LLGL1: variants seen among roughly 807,000 people sequenced by gnomAD.
LLGL1 encodes the protein lethal(2) giant larvae protein homolog 1.
In LLGL1, 58 loss-of-function variants were observed where a neutral mutation model predicts 110.6. The ratio of observed to expected loss-of-function variants is 0.52; its 90% CI spans 0.42 to 0.65. The LOEUF (loss-of-function observed/expected upper bound fraction) is 0.65, where lower values mean the gene tolerates loss of function less well. Among genes scored for constraint, LLGL1 ranks in the 30% least tolerant of loss-of-function variants. LLGL1 has a pLI of 0.00. For missense variants in LLGL1, 1,229 were observed against 1,462.1 expected, an observed-to-expected ratio of 0.84 and a Z score of 2.60; for synonymous variants, 674 against 607.2, an observed-to-expected ratio of 1.11 and a Z score of -1.62.
rs1013683449 is a variant in LLGL1, at chr17:18,236,461, G to T, written c.1353-146G>T. ...TGTACCTGTGCTGTCTACAGTAGGT[G>T]CCTATTGTTTTTTGTAAAAGTAGGA... is the stretch of plus-strand genomic sequence containing the variant. On this transcript the variant is annotated intron_variant, in intron 11 of 22. Transcript: ENST00000316843. 1.8e-5 allele frequency: 13 copies of T among 737,468 alleles called. No homozygotes were observed. In the African/African-American group the frequency reaches 1.9e-4, roughly 11 times the overall value. The allele number at this position is 737,468 out of a possible 1,614,324, so 45.7% of individuals were successfully genotyped here.
intron 16 of LLGL1, 138 bp downstream of exon 16, chr17:18,238,747 CTG>C (rs1490770413): frequency 1.2e-6 from 1 of 854,344 alleles, no homozygotes; most frequent in African/African-American, 1.7e-5. Flanking sequence ...TGGCTCAAGC[CTG>C]TGAGTGATCC....
intron 1 of LLGL1, 132 bp downstream of exon 1, chr17:18,225,895 C>T (rs1597853334): frequency 4.5e-6 from 1 of 224,692 alleles, no homozygotes; most frequent in Non-Finnish European, 7.3e-6. Flanking sequence ...GGGGCGGGGC[C>T]GGGCCGGGCC....
rs1222875837 is a variant in LLGL1 at position 18,240,889 on chromosome 17, C to A, written c.2502+16C>A. ...GCAGTTCAAGGTGAGCCACTGTGGG[C>A]TGTGGGGGACTCTGGGGGACTCCCC... On this transcript the variant is annotated intron_variant, in intron 17 of 22. Coordinates refer to ENST00000316843, the MANE Select transcript of LLGL1 (RefSeq NM_004140.4). The surrounding 1 kb of genome is among the most constrained non-coding windows in gnomAD (Gnocchi z 5.3). The A allele has an allele frequency of 2.0e-6, 3 of 1,500,292 alleles. No individual in the cohort carries two copies. The highest frequency in any genetic ancestry group is 2.7e-6 in the Non-Finnish European group (3 of 1,115,136). 92.9% of individuals were successfully genotyped at this position (1,500,292 alleles called of 1,614,324 possible).
chr17:18,242,023 C>T lies in LLGL1; in HGVS notation c.2882+24C>T, dbSNP rs1044182919. ...AGGTGTGTGGAGGGGCAGCTCCTAGCCTGGGGGACCTGTGCCCAGGGCCAG... is the reference window on the plus strand; with the variant it reads ...AGGTGTGTGGAGGGGCAGCTCCTAGTCTGGGGGACCTGTGCCCAGGGCCAG... On this transcript the variant is annotated intron_variant, in intron 19 of 22. Transcript: ENST00000316843. 1.3e-5 allele frequency: 20 copies of T among 1,590,614 alleles called. No individual in the cohort carries two copies. In the African/African-American group the frequency reaches 2.6e-4, roughly 20 times the overall value.
chr17:18,238,044 G>T, intron 14 of LLGL1, 23 bp from the exon 15 acceptor site: 1 of 1,612,346 alleles, frequency 6.2e-7, no homozygotes, highest in South Asian at 1.1e-5. Flanking sequence ...TCTATAGCAC[G>T]ACTGGACCCT....
Position 18,225,645 on chromosome 17 carries a change from C to A in LLGL1, c.-38C>A. On this transcript the variant is annotated 5_prime_UTR_variant, in exon 1 of 23. Transcript: ENST00000316843. ...GGGGCCGCGCGGCGCATCCTGCGGG[C>A]GGCGGCGGCGGGCGAGGCGCCTGCA... 1 of 875,032 alleles carries A rather than the reference C, an allele frequency of 1.1e-6. No individual in the cohort carries two copies. Among genetic ancestry groups the A allele is most frequent in the Non-Finnish European group, 1.4e-6 (1 of 730,864 alleles). 54.2% of individuals were successfully genotyped at this position (875,032 alleles called of 1,614,324 possible). A position where few individuals can be genotyped will look rare whatever the true frequency, so the allele number is the denominator to read the frequency against.
rs781533920 is a variant in LLGL1, at chr17:18,234,192, TG to T, written c.714+18del. 4 of 1,600,840 alleles carry T rather than the reference TG, an allele frequency of 2.5e-6. No individual in the cohort carries two copies. The highest frequency in any genetic ancestry group is 3.4e-5 in the Admixed American group (2 of 59,330). ...GGGAACCAGGTATGTAGGTGAGGCCTGTGTCCCCTCAGCCTGGGCCCCTTGT... is the reference window on the plus strand; with the variant it reads ...GGGAACCAGGTATGTAGGTGAGGCCTTGTCCCCTCAGCCTGGGCCCCTTGT... On this transcript the variant is annotated intron_variant, in intron 6 of 22. Coordinates refer to ENST00000316843, the MANE Select transcript of LLGL1 (RefSeq NM_004140.4).
intron 1 of LLGL1, among the ~76,000 whole-genome samples, chr17:18,227,202 C>T (rs1049923915): frequency 1.3e-4 from 20 of 152,036 alleles, no homozygotes; most frequent in Admixed American, 4.6e-4. Context: ...CAGTGATTGC[C>T]GATGAGAGCT....
intron 2 of LLGL1, among the ~76,000 whole-genome samples, chr17:18,230,540 G>A (rs2047544155): frequency 6.6e-6 from 1 of 151,026 alleles, no homozygotes; most frequent in African/African-American, 2.4e-5. Flanking sequence ...TGCACAATGG[G>A]CTGTGTGAGC....
chr17:18,230,457 G>T (rs2047542247), intron 2 of LLGL1, among the ~76,000 whole-genome samples: 1 of 152,130 alleles, frequency 6.6e-6, no homozygotes, highest in African/African-American at 2.4e-5. Context: ...CATGTGTTCA[G>T]CAAAGGGGCC....
chr17:18,229,032 C>G (rs1240525388), intron 1 of LLGL1, among the ~76,000 whole-genome samples: 1 of 152,094 alleles, frequency 6.6e-6, no homozygotes, highest in African/African-American at 2.4e-5. Flanking sequence ...TCAGGAATTA[C>G]CAGTGGTAAA....
At chr17:18,226,004 C>T (rs1321171858) in intron 1 of LLGL1, among the ~76,000 whole-genome samples, 1 of 152,038 alleles carries the variant, frequency 6.6e-6, no homozygotes, top group East Asian at 1.9e-4. Flanking sequence ...CTGCGGGCCG[C>T]TCTGGCCCTG....
intron 2 of LLGL1, among the ~76,000 whole-genome samples, chr17:18,231,954 A>G (rs111369566): frequency 0.017 from 2,614 of 152,196 alleles, 64 homozygotes; most frequent in African/African-American, 0.053. Flanking sequence ...CACCGTGCCC[A>G]GAGGAGGTGG....
chr17:18,232,559 C>G lies in LLGL1; in HGVS notation c.244C>G (p.His82Asp). 6.2e-7 allele frequency: 1 copy of G among 1,614,126 alleles called. No individual in the cohort carries two copies. The highest frequency in any genetic ancestry group is 2.2e-5 in the East Asian group (1 of 44,886). ...GGATGCAGCCACTGTCACACAGATG[C>G]ACTTCTTGACCGGCCAGGTGAGCCT... The part of the protein sequence containing the change: ...HRDAATVTQM[H>D]FLTGQGRLLS... The change falls in exon 3 of 23, where the codon CAC (histidine) becomes GAC (aspartate). Residue 82 changes from histidine to aspartate, a missense_variant. Transcript: ENST00000316843.
At chr17:18,226,117 G>A (rs1034876319) in intron 1 of LLGL1, among the ~76,000 whole-genome samples, 1 of 152,022 alleles carries the variant, frequency 6.6e-6, no homozygotes, top group Non-Finnish European at 1.5e-5. Context: ...TCTCGCCCCA[G>A]TTGTGCCTGT....
intron 2 of LLGL1, among the ~76,000 whole-genome samples, chr17:18,231,658 T>G (rs1382831575): frequency 6.6e-6 from 1 of 152,074 alleles, no homozygotes; most frequent in African/African-American, 2.4e-5. Context: ...GGGTTTTTTT[T>G]GTTTTGTTTT....
In LLGL1 at chr17:18,236,226, C is replaced by T. The variant is rs570814351; in HGVS notation, c.1353-381C>T. The T allele has an allele frequency of 9.8e-5, 20 of 204,136 alleles. No individual in the cohort carries two copies. In the South Asian group the frequency reaches 1.2e-3, roughly 13 times the overall value. The allele number at this position is 204,136 out of a possible 1,614,324, so 12.6% of individuals were successfully genotyped here. On this transcript the variant is annotated intron_variant, in intron 11 of 22. Transcript: ENST00000316843. ...CTTGGGCCCCATGCAGCTCCTCCCCCGGGATGCCCCATGCTCTGTTCTGTG... is the reference window on the plus strand; with the variant it reads ...CTTGGGCCCCATGCAGCTCCTCCCCTGGGATGCCCCATGCTCTGTTCTGTG...
At chr17:18,232,628 A>G (rs770952358) in intron 3 of LLGL1, 44 bp from the exon 4 acceptor site, 2 of 1,613,654 alleles carry the variant, frequency 1.2e-6, no homozygotes, top group African/African-American at 2.7e-5. Context: ...ATATCTACTC[A>G]TCCCCCTAGG....
At chr17:18,226,500 G>C (rs1228671474) in intron 1 of LLGL1, among the ~76,000 whole-genome samples, 1 of 152,182 alleles carries the variant, frequency 6.6e-6, no homozygotes, top group Admixed American at 6.5e-5. Flanking sequence ...TCCAGGCTCT[G>C]CCTTGCCCTG....
Sources: gnomAD v4.1 joint callset for allele counts (sites outside exome capture counted in the v4.1 genomes callset) on GRCh38, gnomAD v4.1.1 for gene constraint, Gnocchi (gnomAD v3.1) non-coding constraint, MANE v1.5 for transcripts, NCBI Gene and HGNC (gene_info 2026-07-23, HGNC 2026-07-21) for gene names.